TG: variants seen among roughly 807,000 people sequenced by gnomAD.
The protein encoded by TG is thyroid hormones.
A neutral mutation model predicts 324.7 loss-of-function variants in TG; 270 were observed. That is an observed-to-expected ratio of 0.83 (90% CI 0.75 to 0.92). The LOEUF is 0.92. TG is among the 40% of genes least tolerant of loss of function. TG has a pLI of 0.00. For synonymous variants in TG, 1,401 were observed against 1,327.0 expected, an observed-to-expected ratio of 1.06 and a Z score of -1.21; for missense variants, 3,591 against 3,456.4, an observed-to-expected ratio of 1.04 and a Z score of -0.98.
rs1817487300 is a variant in TG at position 132,898,698 on chromosome 8, CACCCAGGCTCATGA to C, written c.3218-99_3218-86del. 6.6e-5 allele frequency: 63 copies of C among 960,880 alleles called. No individual in the cohort carries two copies. In the East Asian group the frequency reaches 1.5e-3, roughly 24 times the overall value. The allele number at this position is 960,880 out of a possible 1,614,324, so 59.5% of individuals were successfully genotyped here. ...CCTCTCTATGAAGAGCACCTGCATT[CACCCAGGCTCATGA>C]CCCTTAAAGGTGGGGTCAGCCTGGG... is the stretch of plus-strand genomic sequence containing the variant. On this transcript the variant is annotated intron_variant, in intron 13 of 47. Coordinates refer to ENST00000220616, the MANE Select transcript of TG (RefSeq NM_003235.5).
At chr8:133,064,979 G>A (rs1842854501) in intron 41 of TG, among the ~76,000 whole-genome samples, 1 of 152,204 alleles carries the variant, frequency 6.6e-6, no homozygotes, top group African/African-American at 2.4e-5. Context: ...AACCCTTGGT[G>A]ACAGTTAGAA....
At chr8:133,021,603 G>A (rs1835571163) in intron 39 of TG, among the ~76,000 whole-genome samples, 1 of 152,218 alleles carries the variant, frequency 6.6e-6, no homozygotes, top group Non-Finnish European at 1.5e-5. Context: ...AGAAGTCCAA[G>A]ATCAAGGTGT....
In TG at chr8:132,898,886, C is replaced by A. The variant is rs777680221; in HGVS notation, c.3306C>A (p.Asp1102Glu). Residue 1102 changes from aspartate (D) to glutamate (E), a missense_variant, in exon 14 of 48, where the codon GAC becomes GAA. Physicochemically the swap from Asp to Glu is conservative, Grantham distance 45. Coordinates refer to ENST00000220616, the MANE Select transcript of TG (RefSeq NM_003235.5). ...CCCAAGAAAACCCATCTCCAAAAGA[C>A]CTGTTCGTCCCAGCCTGCCTAGAAG... The part of the protein sequence containing the change: ...ARSQENPSPK[D>E]LFVPACLETG... 1.9e-6 allele frequency: 3 copies of A among 1,614,042 alleles called. No individual in the cohort carries two copies. Among genetic ancestry groups the A allele is most frequent in the African/African-American group, 1.3e-5 (1 of 74,940 alleles).
chr8:133,050,847 G>T (rs772751614), intron 41 of TG: 1 of 1,612,900 alleles, frequency 6.2e-7, no homozygotes, highest in Non-Finnish European at 8.5e-7. Flanking sequence ...TCCCCTCGGC[G>T]GAATATCGGG....
At chr8:133,000,612 C>G (rs991509031) in intron 35 of TG, among the ~76,000 whole-genome samples, 3 of 152,198 alleles carry the variant, frequency 2.0e-5, no homozygotes, top group Admixed American at 1.3e-4. Context: ...CATCAGACAG[C>G]TGCGTGTGGA....
At chr8:132,993,023 G>A (rs780753849) in intron 35 of TG, among the ~76,000 whole-genome samples, 17 of 152,302 alleles carry the variant, frequency 1.1e-4, no homozygotes, top group Admixed American at 2.6e-4. Flanking sequence ...CCGAATGAAT[G>A]AATGGATTTT....
intron 43 of TG, among the ~76,000 whole-genome samples, chr8:133,111,893 C>T (rs930628950): frequency 2.0e-5 from 3 of 152,250 alleles, no homozygotes; most frequent in Admixed American, 1.3e-4. Context: ...GCCCTCCTGG[C>T]TTCGGTCATC....
intron 35 of TG, among the ~76,000 whole-genome samples, chr8:132,993,021 A>G (rs1287427739): frequency 6.6e-6 from 1 of 152,154 alleles, no homozygotes; most frequent in Non-Finnish European, 1.5e-5. Flanking sequence ...TACCGAATGA[A>G]TGAATGGATT....
intron 17 of TG, 22 bp downstream of exon 17, chr8:132,906,922 A>G: frequency 1.3e-6 from 2 of 1,597,746 alleles, no homozygotes; most frequent in Non-Finnish European, 1.7e-6. Context: ...CAGAGCATCT[A>G]TCCTGCACCC....
chr8:133,023,229 T>C (rs992790856), intron 40 of TG, among the ~76,000 whole-genome samples: 2 of 152,320 alleles, frequency 1.3e-5, no homozygotes, highest in Middle Eastern at 3.4e-3. Context: ...AAGAAGATTC[T>C]AGACTTATGA....
At position 132,933,607 on chromosome 8, in the gene TG, G is replaced by A. The variant is rs542713670; in HGVS notation, c.4863G>A (p.Thr1621=). The change falls in exon 24 of 48, where the codon ACG becomes ACA. Residue 1621 remains threonine, a synonymous_variant. Coordinates refer to ENST00000220616, the MANE Select transcript of TG (RefSeq NM_003235.5). ...EACSFFTVST[T]EPEISCDFYA... is the part of the protein sequence containing the mutation. ...GCAGCTTCTTCACCGTGTCCACGAC[G>A]GAGCCAGAGATTTCCTGTGATTTCT... 8.7e-6 allele frequency: 14 copies of A among 1,614,128 alleles called. No individual in the cohort carries two copies. In the East Asian group the frequency reaches 1.3e-4, roughly 15 times the overall value.
rs1564077825 is a variant in TG, at chr8:133,017,997, G to C, written c.6782G>C (p.Arg2261Thr). 1 of 1,614,008 alleles carries C rather than the reference G, an allele frequency of 6.2e-7. No individual in the cohort carries two copies. Among genetic ancestry groups the C allele is most frequent in the Non-Finnish European group, 8.5e-7 (1 of 1,179,934 alleles). The change falls in exon 38 of 48, where the codon AGG becomes ACG. Residue 2261 changes from arginine to threonine, a missense_variant and splice_region_variant. Arg to Thr is a moderately conservative substitution (Grantham distance 71). Transcript: ENST00000220616. ...GGCTCCTGGGATGCCAGCAAGCCAA[G>C]GTATGGGTTGAGTGGAGCACATCTT... Reference protein sequence around the residue: ...WTGSWDASKPRASCWQPGTRT... With the variant: ...WTGSWDASKPTASCWQPGTRT...
chr8:133,016,937 C>T (rs893600647), intron 37 of TG, among the ~76,000 whole-genome samples: 121 of 152,306 alleles, frequency 7.9e-4, no homozygotes, highest in African/African-American at 2.7e-3. Context: ...GCATGGCAGG[C>T]GGCACCAGTG....
intron 41 of TG, among the ~76,000 whole-genome samples, chr8:133,081,367 C>T (rs1423845933): frequency 1.3e-5 from 2 of 152,216 alleles, no homozygotes; most frequent in Non-Finnish European, 2.9e-5. Flanking sequence ...CTTTTCACCT[C>T]TGGGGAAGAC....
chr8:132,995,632 C>T (rs1438793275), intron 35 of TG: 1 of 569,590 alleles, frequency 1.8e-6, no homozygotes, highest in Non-Finnish European at 2.2e-6. Context: ...TTAGGAGACC[C>T]AATTCTTGTA....
Position 132,911,506 on chromosome 8 carries a change from G to T in TG, c.4132G>T (p.Ala1378Ser), listed in dbSNP as rs763629516. 22 of 1,614,016 alleles carry T rather than the reference G, an allele frequency of 1.4e-5. No homozygotes were observed. The highest frequency in any genetic ancestry group is 1.9e-5 in the Non-Finnish European group (22 of 1,179,998). ...ATCACGGCTTGAGGACATCCCAGTG[G>T]CTTCTCTTCCTGACTTACATGACAT... The part of the protein sequence containing the change: ...WKSRLEDIPV[A>S]SLPDLHDIER... Residue 1378 changes from alanine to serine, a missense_variant, in exon 19 of 48, where the codon GCT becomes TCT. Coordinates refer to ENST00000220616, the MANE Select transcript of TG (RefSeq NM_003235.5).
At chr8:132,901,226 C>G (rs1817878426) in intron 15 of TG, 127 bp from the exon 16 acceptor site, 2 of 1,112,792 alleles carry the variant, frequency 1.8e-6, no homozygotes, top group Non-Finnish European at 2.7e-6. Context: ...GAGGCAGCCC[C>G]AGACCCCTGG....
chr8:132,987,165 G>T (rs1711671084), intron 35 of TG, among the ~76,000 whole-genome samples: 1 of 152,172 alleles, frequency 6.6e-6, no homozygotes, highest in Admixed American at 6.5e-5. Flanking sequence ...CACAGTGCTT[G>T]TAAGTGTCTT....
intron 25 of TG, 77 bp from the exon 26 acceptor site, chr8:132,941,274 C>T: frequency 6.4e-7 from 1 of 1,561,204 alleles, no homozygotes; most frequent in Non-Finnish European, 8.8e-7. Context: ...AACAAACTGT[C>T]CTGTGAGATC....
Sources: allele counts gnomAD v4.1 joint callset (sites outside exome capture counted in the v4.1 genomes callset), GRCh38; gene constraint gnomAD v4.1.1; transcripts MANE v1.5; gene names NCBI Gene and HGNC (gene_info 2026-07-23, HGNC 2026-07-21).